The following ZNF608 variants were observed in gnomAD, a reference collection of about 807,000 sequenced individuals.
ZNF608 encodes zinc finger protein 608, also known as renal carcinoma antigen NY-REN-36.
In ZNF608, 12 loss-of-function variants were observed where a neutral mutation model predicts 109.0. That is an observed-to-expected ratio of 0.11 (90% CI 0.07 to 0.18). The LOEUF (loss-of-function observed/expected upper bound fraction) is 0.18, where lower values mean the gene tolerates loss of function less well. ZNF608 is among the 10% of genes least tolerant of loss of function. The probability of loss-of-function intolerance (pLI) is 1.00; values close to 1 mark genes in which losing one functional copy is unlikely to be tolerated. For synonymous variants in ZNF608, 732 were observed against 717.4 expected (o/e 1.02, Z -0.33); for missense variants, 1,707 against 1,879.3 (o/e 0.91, Z 1.70).
intron 2 of ZNF608, among the ~76,000 whole-genome samples, chr5:124,738,695 ATT>A (rs1749252062): frequency 6.6e-6 from 1 of 152,204 alleles, no homozygotes; most frequent in South Asian, 2.1e-4. Flanking sequence ...TATGAAACAG[ATT>A]TTATCCCCCT....
At chr5:124,736,605 A>G (rs1749163634) in intron 2 of ZNF608, among the ~76,000 whole-genome samples, 1 of 152,184 alleles carries the variant, frequency 6.6e-6, no homozygotes, top group Non-Finnish European at 1.5e-5. Context: ...CATTTCCTCC[A>G]GCATGGGGAA....
intron 2 of ZNF608, among the ~76,000 whole-genome samples, chr5:124,717,208 G>A (rs1253246902): frequency 6.6e-6 from 1 of 151,992 alleles, no homozygotes; most frequent in Admixed American, 6.6e-5. Flanking sequence ...GCTCATGCCT[G>A]TAACCCCAGC....
At chr5:124,639,085 T>C (rs367653727) in intron 9 of ZNF608, 48 bp downstream of exon 9, 105 of 1,571,112 alleles carry the variant, frequency 6.7e-5, no homozygotes, top group Middle Eastern at 3.3e-4. Context: ...CTCCCAACCA[T>C]TAAGATATTT....
chr5:124,707,198 G>C (rs558269639), intron 2 of ZNF608, among the ~76,000 whole-genome samples: 2 of 152,200 alleles, frequency 1.3e-5, no homozygotes, highest in African/African-American at 4.8e-5. Flanking sequence ...CAGCCAGTGA[G>C]GATAGGTGGC....
chr5:124,714,585 T>C (rs1753621885), intron 2 of ZNF608, among the ~76,000 whole-genome samples: 1 of 152,198 alleles, frequency 6.6e-6, no homozygotes, highest in African/African-American at 2.4e-5. Flanking sequence ...AAGCCTCAAT[T>C]TCCTCACCTA....
intron 2 of ZNF608, among the ~76,000 whole-genome samples, chr5:124,706,876 G>A (rs543173429): frequency 3.3e-5 from 5 of 152,304 alleles, no homozygotes; most frequent in African/African-American, 9.6e-5. Flanking sequence ...CTGAGCAGTA[G>A]CCTGGCTATT....
At chr5:124,653,115 T>C (rs1392640671) in intron 3 of ZNF608, among the ~76,000 whole-genome samples, 1 of 152,216 alleles carries the variant, frequency 6.6e-6, no homozygotes, top group Non-Finnish European at 1.5e-5. Context: ...ATCTGAGGCT[T>C]ATTACTAATA....
intron 3 of ZNF608, among the ~76,000 whole-genome samples, chr5:124,658,805 C>G (rs915816484): frequency 1.3e-5 from 2 of 152,132 alleles, no homozygotes; most frequent in African/African-American, 4.8e-5. Flanking sequence ...GTATCATTAG[C>G]TTGTTAGGAC....
At chr5:124,727,127 C>A (rs1748644044) in intron 2 of ZNF608, among the ~76,000 whole-genome samples, 1 of 152,208 alleles carries the variant, frequency 6.6e-6, no homozygotes, top group African/African-American at 2.4e-5. Flanking sequence ...GTGACAGCAA[C>A]AGAGTTTTGC....
intron 2 of ZNF608, among the ~76,000 whole-genome samples, chr5:124,727,630 C>A (rs1448836859): frequency 7.0e-6 from 1 of 141,872 alleles, no homozygotes; most frequent in Non-Finnish European, 1.5e-5. Flanking sequence ...TTATAAAAGT[C>A]CCTTAAAAAA....
At position 124,744,390 on chromosome 5, in the gene ZNF608, G is replaced by C; in HGVS notation, c.600C>G (p.Gly200=). Residue 200 remains glycine, a synonymous_variant, in exon 2 of 10, where the codon GGC becomes GGG. Coordinates refer to ENST00000513986, the MANE Select transcript of ZNF608 (RefSeq NM_020747.3). The surrounding 1 kb of genome is among the most constrained non-coding windows in gnomAD (Gnocchi z 4.5). ...EKPGKSQSSR[G]AKRDKDAGKS... is the part of the protein sequence containing the mutation. ...TCCCCGCATCCTTATCCCGCTTGGC[G>C]CCTCGGCTGCTCTGGCTTTTACCTG... 1 of 1,614,236 alleles carries C rather than the reference G, an allele frequency of 6.2e-7. No individual in the cohort carries two copies. The highest frequency in any genetic ancestry group is 8.5e-7 in the Non-Finnish European group (1 of 1,180,044).
intron 2 of ZNF608, among the ~76,000 whole-genome samples, chr5:124,729,447 C>T (rs530162300): frequency 4.6e-5 from 7 of 152,216 alleles, no homozygotes; most frequent in Non-Finnish European, 7.4e-5. Context: ...CACACTGGAG[C>T]GGAAACCTAT....
chr5:124,725,220 A>G (rs1234410585), intron 2 of ZNF608, among the ~76,000 whole-genome samples: 1 of 151,650 alleles, frequency 6.6e-6, no homozygotes, highest in Admixed American at 6.6e-5. Flanking sequence ...CTTTTCCACC[A>G]TCTCTTTCTA....
At chr5:124,645,584 G>T (rs1379481535) in intron 5 of ZNF608, among the ~76,000 whole-genome samples, 3 of 152,136 alleles carry the variant, frequency 2.0e-5, no homozygotes, top group African/African-American at 7.2e-5. Flanking sequence ...GTGGGAGTGG[G>T]GATGTGCAGT....
At chr5:124,646,159 G>A (rs1157050654) in intron 5 of ZNF608, among the ~76,000 whole-genome samples, 3 of 152,012 alleles carry the variant, frequency 2.0e-5, no homozygotes, top group Non-Finnish European at 2.9e-5. Flanking sequence ...TCAGGAGATC[G>A]AGACCATCTC....
At chr5:124,702,272 A>T (rs1035394191) in intron 2 of ZNF608, among the ~76,000 whole-genome samples, 2 of 152,248 alleles carry the variant, frequency 1.3e-5, no homozygotes, top group African/African-American at 4.8e-5. Flanking sequence ...GCCCATTTGT[A>T]CCAAGACTCC....
intron 3 of ZNF608, among the ~76,000 whole-genome samples, chr5:124,686,047 GA>G (rs1752397550): frequency 6.6e-6 from 1 of 152,170 alleles, no homozygotes; most frequent in African/African-American, 2.4e-5. Flanking sequence ...TTTATTTTAA[GA>G]AGACTTTTAA....
At chr5:124,713,288 A>G (rs973319206) in intron 2 of ZNF608, among the ~76,000 whole-genome samples, 7 of 152,238 alleles carry the variant, frequency 4.6e-5, no homozygotes, top group African/African-American at 1.7e-4. Flanking sequence ...ATCCAGGGCA[A>G]GTAACCCTGC....
At chr5:124,651,834 G>A (rs1750795840) in intron 3 of ZNF608, among the ~76,000 whole-genome samples, 1 of 152,242 alleles carries the variant, frequency 6.6e-6, no homozygotes, top group South Asian at 2.1e-4. Flanking sequence ...GCGTGGCGGA[G>A]GCAAAGGGAC....
Sources: allele counts gnomAD v4.1 joint callset (sites outside exome capture counted in the v4.1 genomes callset), GRCh38; gene constraint gnomAD v4.1.1; non-coding constraint Gnocchi (gnomAD v3.1); transcripts MANE v1.5; gene names NCBI Gene and HGNC (gene_info 2026-07-23, HGNC 2026-07-21).